GALNTL6: variants seen among roughly 807,000 people sequenced by gnomAD.
GALNTL6 encodes the protein polypeptide N-acetylgalactosaminyltransferase-like 6.
A neutral mutation model predicts 73.7 loss-of-function variants in GALNTL6; 46 were observed. The ratio of observed to expected loss-of-function variants is 0.62; its 90% CI spans 0.49 to 0.80. The LOEUF (loss-of-function observed/expected upper bound fraction) is 0.80, where lower values mean the gene tolerates loss of function less well. Among genes scored for constraint, GALNTL6 ranks in the 30% least tolerant of loss-of-function variants. The pLI is 0.00. For missense variants in GALNTL6, 604 were observed against 755.0 expected, an observed-to-expected ratio of 0.80 and a Z score of 2.34; for synonymous variants, 259 against 263.7, an observed-to-expected ratio of 0.98 and a Z score of 0.17.
At chr4:172,967,647 G>A (rs564634159) in intron 10 of GALNTL6, among the ~76,000 whole-genome samples, 2 of 152,076 alleles carry the variant, frequency 1.3e-5, no homozygotes, top group East Asian at 3.9e-4. Context: ...TTGGAACAGA[G>A]AGAGAGAGAG....
chr4:172,230,548 T>C (rs1297865232), intron 3 of GALNTL6, among the ~76,000 whole-genome samples: 1 of 126,428 alleles, frequency 7.9e-6, no homozygotes, highest in East Asian at 2.0e-4. Context: ...ACCACTGCAC[T>C]CCAGCCGGGC....
intron 2 of GALNTL6, among the ~76,000 whole-genome samples, chr4:171,931,624 C>T (rs191597125): frequency 3.4e-4 from 52 of 152,248 alleles, no homozygotes; most frequent in African/African-American, 1.2e-3. Flanking sequence ...AGGATTATAT[C>T]TATCACTGCT....
chr4:172,047,551 G>A (rs980291957), intron 2 of GALNTL6, among the ~76,000 whole-genome samples: 5 of 152,078 alleles, frequency 3.3e-5, no homozygotes, highest in African/African-American at 1.2e-4. Flanking sequence ...GAGTTGCAGA[G>A]TAAATGATAT....
chr4:171,858,269 C>T (rs910738868), intron 2 of GALNTL6, among the ~76,000 whole-genome samples: 4 of 152,052 alleles, frequency 2.6e-5, no homozygotes, highest in African/African-American at 7.2e-5. Context: ...ATAATAAAAA[C>T]ATATTATCAT....
intron 2 of GALNTL6, among the ~76,000 whole-genome samples, chr4:171,946,584 C>A (rs1025006127): frequency 6.6e-6 from 1 of 152,116 alleles, no homozygotes; most frequent in Non-Finnish European, 1.5e-5. Flanking sequence ...ATGGGACATG[C>A]AGAAAACTTG....
chr4:172,392,351 G>A (rs781207135), intron 5 of GALNTL6, among the ~76,000 whole-genome samples: 8 of 151,816 alleles, frequency 5.3e-5, no homozygotes, highest in Non-Finnish European at 8.8e-5. Flanking sequence ...AAACATTCTC[G>A]TTACACTATA....
intron 2 of GALNTL6, among the ~76,000 whole-genome samples, chr4:171,835,555 T>C (rs1735075866): frequency 6.6e-6 from 1 of 152,026 alleles, no homozygotes; most frequent in African/African-American, 2.4e-5. Flanking sequence ...TAATGTAACA[T>C]TTAATATTTA....
chr4:172,927,957 A>G (rs1748143833), intron 8 of GALNTL6, among the ~76,000 whole-genome samples: 1 of 152,194 alleles, frequency 6.6e-6, no homozygotes, highest in Non-Finnish European at 1.5e-5. Flanking sequence ...GCAGAGGGGT[A>G]TGTGCAATGG....
At chr4:171,918,518 T>C (rs1012803402) in intron 2 of GALNTL6, among the ~76,000 whole-genome samples, 4 of 152,086 alleles carry the variant, frequency 2.6e-5, no homozygotes, top group Non-Finnish European at 5.9e-5. Flanking sequence ...TCCCGGAATA[T>C]TTAAAACCTC....
At chr4:172,358,715 A>G (rs1742252371) in intron 5 of GALNTL6, among the ~76,000 whole-genome samples, 1 of 152,166 alleles carries the variant, frequency 6.6e-6, no homozygotes, top group South Asian at 2.1e-4. Context: ...TGTAATTGTG[A>G]TGAGGGAAAT....
chr4:172,069,553 A>ATATATGACACATATGTG (rs1731471581), intron 2 of GALNTL6, among the ~76,000 whole-genome samples: 1 of 17,630 alleles, frequency 5.7e-5, no homozygotes, highest in Non-Finnish European at 1.6e-4. Context: ...TAACACATAT[A>ATATATGACACATATGTG]TGTTATATAT....
At position 172,518,217 on chromosome 4, in the gene GALNTL6, A is replaced by C. The variant is rs145848921; in HGVS notation, c.553+169528A>C. Among the ~76,000 whole-genome samples the C allele has an allele frequency of 8.5e-5, 13 of 152,098 alleles. No homozygotes were observed. In the East Asian group the frequency reaches 2.3e-3, roughly 27 times the overall value. On this transcript the variant is annotated intron_variant, in intron 5 of 12. Transcript: ENST00000506823. ...ATAAATAGGAATTCTTGATAATATA[A>C]TTTTTTCATCTATTTTTCTTCTTAA...
intron 5 of GALNTL6, among the ~76,000 whole-genome samples, chr4:172,600,083 A>C (rs573054476): frequency 6.6e-6 from 1 of 152,236 alleles, no homozygotes; most frequent in South Asian, 2.1e-4. Flanking sequence ...GTTTTAAATA[A>C]TTTGACCAGT....
intron 5 of GALNTL6, among the ~76,000 whole-genome samples, chr4:172,780,356 G>A (rs1026977469): frequency 6.6e-6 from 1 of 152,118 alleles, no homozygotes; most frequent in African/African-American, 2.4e-5. Context: ...TAAATTGTTG[G>A]TTAAATTGGG....
chr4:172,610,309 C>G (rs572312159), intron 5 of GALNTL6, among the ~76,000 whole-genome samples: 1 of 151,990 alleles, frequency 6.6e-6, no homozygotes, highest in Non-Finnish European at 1.5e-5. Context: ...AAATTGGGAT[C>G]TTTCTACCTT....
intron 8 of GALNTL6, among the ~76,000 whole-genome samples, chr4:172,915,829 T>C (rs756201525): frequency 2.0e-5 from 3 of 152,186 alleles, no homozygotes; most frequent in Non-Finnish European, 2.9e-5. Context: ...AAAGAGGAGC[T>C]GGTACCATCC....
At chr4:171,991,640 A>G (rs1220786775) in intron 2 of GALNTL6, among the ~76,000 whole-genome samples, 2 of 151,092 alleles carry the variant, frequency 1.3e-5, no homozygotes, top group Non-Finnish European at 1.5e-5. Context: ...AGAAATTAGT[A>G]TGTGAGAGGA....
intron 5 of GALNTL6, among the ~76,000 whole-genome samples, chr4:172,606,613 T>C (rs1283091877): frequency 5.2e-5 from 2 of 38,096 alleles, no homozygotes; most frequent in African/African-American, 1.1e-4. Flanking sequence ...CATATATACA[T>C]ATATAGTATA....
intron 2 of GALNTL6, among the ~76,000 whole-genome samples, chr4:171,966,258 A>G (rs551426885): frequency 6.6e-6 from 1 of 152,282 alleles, no homozygotes; most frequent in South Asian, 2.1e-4. Context: ...ATAGGTTTCT[A>G]AGACCTAGTT....
Sources: gnomAD v4.1 joint callset for allele counts (sites outside exome capture counted in the v4.1 genomes callset) on GRCh38, gnomAD v4.1.1 for gene constraint, MANE v1.5 for transcripts, NCBI Gene and HGNC (gene_info 2026-07-23, HGNC 2026-07-21) for gene names.